The following ART5 variants were observed in gnomAD, a reference collection of about 807,000 sequenced individuals.
ART5 encodes ecto-ADP-ribosyltransferase 5.
ART5 carries 22 observed loss-of-function variants against 25.0 expected under a neutral mutation model. The ratio of observed to expected loss-of-function variants is 0.88; its 90% CI spans 0.63 to 1.26. The LOEUF (loss-of-function observed/expected upper bound fraction) is 1.26, where lower values mean the gene tolerates loss of function less well. Ranked by LOEUF, ART5 falls within the 50% of genes most tolerant of loss-of-function variation. The probability of loss-of-function intolerance (pLI) is 0.00; values close to 1 mark genes in which losing one functional copy is unlikely to be tolerated. For synonymous variants in ART5, 161 were observed against 154.8 expected (o/e 1.04, Z -0.30); for missense variants, 402 against 372.8 (o/e 1.08, Z -0.64).
intron 2 of ART5, 117 bp downstream of exon 2, chr11:3,639,525 C>T (rs1265926899): frequency 9.8e-6 from 14 of 1,428,910 alleles, no homozygotes; most frequent in Non-Finnish European, 1.3e-5. Context: ...TGACTTCCAG[C>T]CCTCATTTCC....
At chr11:3,640,449 T>A (rs1227157798) in intron 1 of ART5, 78 bp from the exon 2 acceptor site, 12 of 1,462,658 alleles carry the variant, frequency 8.2e-6, no homozygotes, top group Non-Finnish European at 2.7e-6. Flanking sequence ...GGCAAACCCA[T>A]CCAGAAACAC....
At position 3,640,344 on chromosome 11, in the gene ART5, C is replaced by A; in HGVS notation, c.85G>T (p.Gly29Cys). The change falls in exon 2 of 4, where the codon GGC becomes TGC. Residue 29 changes from glycine to cysteine, a missense_variant. Coordinates refer to ENST00000397068, the MANE Select transcript of ART5 (RefSeq NM_053017.5). ...QAQAVPILPLGLAPDTFDDTY... is the reference protein window; with the variant it reads ...QAQAVPILPLCLAPDTFDDTY... ...TCGTCAAAGGTGTCTGGAGCCAGGCCCAGGGGCAGGATGGGAACAGCCTGG... is the reference window on the plus strand; with the variant it reads ...TCGTCAAAGGTGTCTGGAGCCAGGCACAGGGGCAGGATGGGAACAGCCTGG... 6.8e-7 allele frequency: 1 copy of A among 1,473,720 alleles called. No individual in the cohort carries two copies. Among genetic ancestry groups the A allele is most frequent in the Non-Finnish European group, 9.0e-7 (1 of 1,114,686 alleles). The allele number at this position is 1,473,720 out of a possible 1,614,324, so 91.3% of individuals were successfully genotyped here. A position where few individuals can be genotyped will look rare whatever the true frequency, so the allele number is the denominator to read the frequency against.
rs1317946101 is a variant in ART5 at position 3,639,643 on chromosome 11, A to G, written c.786T>C (p.Gly262=). 1 of 1,610,060 alleles carries G rather than the reference A, an allele frequency of 6.2e-7. No individual in the cohort carries two copies. The highest frequency in any genetic ancestry group is 2.2e-5 in the East Asian group (1 of 44,842). ...TCSHFNCAYL[G]GEKRRGCVSA... ...CTGCTTCCCCCATGCACAGCTTACC[A>G]CCCAGATAGGCGCAGTTAAAATGGC... Residue 262 remains glycine, a splice_region_variant and synonymous_variant, in exon 2 of 4, where the codon GGT becomes GGC. Transcript: ENST00000397068.
Position 3,639,888 on chromosome 11 carries a change from A to T in ART5, c.541T>A (p.Phe181Ile). The change falls in exon 2 of 4, where the codon TTT becomes ATT. Residue 181 changes from phenylalanine (F) to isoleucine (I), a missense_variant. Coordinates refer to ENST00000397068, the MANE Select transcript of ART5 (RefSeq NM_053017.5). ...RLGDSVRLGQ[F>I]ASSSLDKAVA... ...GCCTTATCCAGGGAGCTGGAGGCAA[A>T]CTGGCCCAAGCGGACAGAGTCTCCC... 1 of 1,614,160 alleles carries T rather than the reference A, an allele frequency of 6.2e-7. No homozygotes were observed. The highest frequency in any genetic ancestry group is 8.5e-7 in the Non-Finnish European group (1 of 1,180,012).
Position 3,638,623 on chromosome 11 carries a change from A to C in ART5, c.*115T>G, listed in dbSNP as rs2077346420. 4 of 1,302,672 alleles carry C rather than the reference A, an allele frequency of 3.1e-6. No individual in the cohort carries two copies. Among genetic ancestry groups the C allele is most frequent in the Admixed American group, 1.8e-5 (1 of 56,512 alleles). The allele number at this position is 1,302,672 out of a possible 1,614,324, so 80.7% of individuals were successfully genotyped here. A position where few individuals can be genotyped will look rare whatever the true frequency, so the allele number is the denominator to read the frequency against. On this transcript the variant is annotated 3_prime_UTR_variant, in exon 4 of 4. Transcript: ENST00000397068. Reference sequence around the variant, plus strand: ...CCTCAGTACTTTCCTTGCTTGTCCCAGGAAGTCCCCATCACATAGCAGAGT... The same window carrying C: ...CCTCAGTACTTTCCTTGCTTGTCCCCGGAAGTCCCCATCACATAGCAGAGT...
At position 3,638,661 on chromosome 11, in the gene ART5, G is replaced by A. The variant is rs190539325; in HGVS notation, c.*77C>T. ...CACATAGCAGAGTTCCCTCAGCCCT[G>A]CTGTGGCCTCCCCAGGCCAACATCC... On this transcript the variant is annotated 3_prime_UTR_variant, in exon 4 of 4. Transcript: ENST00000397068. 31 of 1,575,650 alleles carry A rather than the reference G, an allele frequency of 2.0e-5. No homozygotes were observed. The highest frequency in any genetic ancestry group is 3.6e-4 in the Middle Eastern group (2 of 5,596).
rs778306917 is a variant in ART5, at chr11:3,640,206, A to C, written c.223T>G (p.Trp75Gly). 6.2e-7 allele frequency: 1 copy of C among 1,613,932 alleles called. No individual in the cohort carries two copies. The highest frequency in any genetic ancestry group is 8.5e-7 in the Non-Finnish European group (1 of 1,180,038). Reference protein sequence around the residue: ...RESWEAAQETWEDKRRGLTLP... With the variant: ...RESWEAAQETGEDKRRGLTLP... ...GTAAGCCCTCGACGCTTGTCCTCCC[A>C]GGTCTCCTGGGCTGCCTCCCAGGAT... is the stretch of plus-strand genomic sequence containing the variant. Residue 75 changes from tryptophan (W) to glycine (G), a missense_variant, in exon 2 of 4, where the codon TGG becomes GGG. Transcript: ENST00000397068.
At chr11:3,642,181 A>G, upstream of ART5, 3 of 1,188,702 alleles carry the variant, frequency 2.5e-6, no homozygotes, top group South Asian at 2.7e-5. Flanking sequence ...GACCCACTTG[A>G]AGGCTGCGGA....
Position 3,638,816 on chromosome 11 carries a change from TCAGGGCCCAAC to T in ART5, c.821-34_821-24del, listed in dbSNP as rs759553400. Reference sequence around the variant, plus strand: ...CTCCTAAGTGGCAGATGTTGGACTTTCAGGGCCCAACCCCTGAGAGCTGGAACTCTCCAGGG... The same window carrying T: ...CTCCTAAGTGGCAGATGTTGGACTTTCCCTGAGAGCTGGAACTCTCCAGGG... On this transcript the variant is annotated intron_variant, in intron 3 of 3. Coordinates refer to ENST00000397068, the MANE Select transcript of ART5 (RefSeq NM_053017.5). 8.7e-6 allele frequency: 14 copies of T among 1,614,084 alleles called. 1 individual carries two copies. The highest frequency in any genetic ancestry group is 1.1e-5 in the Non-Finnish European group (13 of 1,179,968).
chr11:3,641,494 G>C, intron 1 of ART5, among the ~76,000 whole-genome samples: 1 of 152,148 alleles, frequency 6.6e-6, no homozygotes, highest in East Asian at 1.9e-4. Flanking sequence ...TGGTTGGGAC[G>C]GGCTGCCAGG....
chr11:3,642,178 T>A, upstream of ART5: 1 of 1,218,098 alleles, frequency 8.2e-7, no homozygotes, highest in South Asian at 2.5e-5. Flanking sequence ...GAGGACCCAC[T>A]TGAAGGCTGC....
At chr11:3,641,026 A>G (rs950234489) in intron 1 of ART5, among the ~76,000 whole-genome samples, 1 of 152,194 alleles carries the variant, frequency 6.6e-6, no homozygotes, top group Non-Finnish European at 1.5e-5. Flanking sequence ...TACAGGAGTG[A>G]GCCACCGCGC....
rs372472425 is a variant in ART5 at position 3,639,752 on chromosome 11, G to A, written c.677C>T (p.Pro226Leu). Reference protein sequence around the residue: ...FPKEREVLIPPHEVFLVTRFS... With the variant: ...FPKEREVLIPLHEVFLVTRFS... The stretch of plus-strand genomic sequence containing the variant: ...TCTGGTAACCAAAAAGACTTCATGG[G>A]GGGGAATCAGCACCTCGCGCTCCTT... Residue 226 changes from proline (P) to leucine (L), a missense_variant, in exon 2 of 4, where the codon CCC (proline) becomes CTC (leucine). Pro to Leu is a moderately conservative substitution (Grantham distance 98, BLOSUM62 -3). Transcript: ENST00000397068. 1 of 1,614,168 alleles carries A rather than the reference G, an allele frequency of 6.2e-7. No individual in the cohort carries two copies. Among genetic ancestry groups the A allele is most frequent in the East Asian group, 2.2e-5 (1 of 44,882 alleles).
At chr11:3,642,341 G>A (rs925795527), upstream of ART5, 16 of 990,364 alleles carry the variant, frequency 1.6e-5, no homozygotes, top group African/African-American at 2.4e-4. Flanking sequence ...GCCGCACGCG[G>A]GGCCGGGAGC....
chr11:3,640,332 C>A lies in ART5; in HGVS notation c.97G>T (p.Asp33Tyr), dbSNP rs530320361. The change falls in exon 2 of 4, where the codon GAC becomes TAC. Residue 33 changes from aspartate to tyrosine, a missense_variant. Transcript: ENST00000397068. ...VPILPLGLAP[D>Y]TFDDTYVGCA... ...CCCACATAGGTATCGTCAAAGGTGT[C>A]TGGAGCCAGGCCCAGGGGCAGGATG... 3 of 1,576,712 alleles carry A rather than the reference C, an allele frequency of 1.9e-6. No homozygotes were observed. The highest frequency in any genetic ancestry group is 2.6e-6 in the Non-Finnish European group (3 of 1,167,600).
In ART5 at chr11:3,639,862, TG is replaced by T; in HGVS notation, c.566del (p.Ala189GlufsTer14). ...TGGCATTACCAAATCTGTGGGCCAC[TG>T]CCTTATCCAGGGAGCTGGAGGCAAA... ...GQFASSSLDK[A>X]VAHRFGNATL... On this transcript the variant is annotated frameshift_variant, in exon 2 of 4. Transcript: ENST00000397068. LOFTEE classifies it high-confidence loss of function. 6.2e-7 allele frequency: 1 copy of T among 1,614,212 alleles called. No individual in the cohort carries two copies. The highest frequency in any genetic ancestry group is 8.5e-7 in the Non-Finnish European group (1 of 1,180,028).
chr11:3,642,242 CCCGGAGGAGT>C, upstream of ART5: 6 of 1,101,896 alleles, frequency 5.4e-6, no homozygotes, highest in Non-Finnish European at 6.6e-6. Flanking sequence ...CTGCGCTGTC[CCCGGAGGAGT>C]CCGGAGTCCG....
chr11:3,642,247 A>AGGAGTCC (rs1279343407), upstream of ART5: 7 of 912,618 alleles, frequency 7.7e-6, no homozygotes, highest in African/African-American at 9.3e-5. Context: ...CTGTCCCCGG[A>AGGAGTCC]GGAGTCCGGA....
In ART5 at chr11:3,640,092, C is replaced by A. The variant is rs1348216611; in HGVS notation, c.337G>T (p.Ala113Ser). ...CGGGAGCCTCCGCCCGTCCGCACGGCCTGATTCAACTCCCAGTACAAGGTG... is the reference window on the plus strand; with the variant it reads ...CGGGAGCCTCCGCCCGTCCGCACGGACTGATTCAACTCCCAGTACAAGGTG... ...SNTLYWELNQ[A>S]VRTGGGSREL... Residue 113 changes from alanine (A) to serine (S), a missense_variant, in exon 2 of 4, where the codon GCC becomes TCC. By Grantham distance (99) the Ala-to-Ser change is moderately conservative (BLOSUM62 1). Transcript: ENST00000397068. The A allele has an allele frequency of 6.8e-6, 11 of 1,614,122 alleles. No homozygotes were observed. The highest frequency in any genetic ancestry group is 9.3e-6 in the Non-Finnish European group (11 of 1,180,062).
Sources: gnomAD v4.1 joint callset for allele counts (sites outside exome capture counted in the v4.1 genomes callset) on GRCh38, gnomAD v4.1.1 for gene constraint, MANE v1.5 for transcripts, NCBI Gene and HGNC (gene_info 2026-07-23, HGNC 2026-07-21) for gene names.